The following DNMBP variants were observed in gnomAD, a reference collection of about 807,000 sequenced individuals.
DNMBP encodes the protein dynamin-binding protein.
DNMBP carries 87 observed loss-of-function variants against 150.0 expected under a neutral mutation model. That is an observed-to-expected ratio of 0.58 (90% CI 0.49 to 0.69). The LOEUF (loss-of-function observed/expected upper bound fraction) is 0.69, where lower values mean the gene tolerates loss of function less well. Ranked by LOEUF, DNMBP falls within the 30% of genes least tolerant of loss-of-function variation. The pLI is 0.00. For synonymous variants in DNMBP, 711 were observed against 750.4 expected (o/e 0.95, Z 0.86); for missense variants, 1,774 against 1,949.0 (o/e 0.91, Z 1.69).
chr10:99,909,091 C>T lies in DNMBP; in HGVS notation c.2316G>A (p.Val772=), dbSNP rs750827228. ...SSSLVAPSGS[V]SAENPEQRML... ...TCCTCTGCTCTGGATTTTCGGCAGA[C>T]ACAGACCCAGAAGGGGCCACCAGTG... is the stretch of plus-strand genomic sequence containing the variant. Residue 772 remains valine (V), a synonymous_variant, in exon 5 of 17, where the codon GTG becomes GTA. Transcript: ENST00000324109. 2 of 1,614,184 alleles carry T rather than the reference C, an allele frequency of 1.2e-6. No homozygotes were observed. Among genetic ancestry groups the T allele is most frequent in the Admixed American group, 1.7e-5 (1 of 60,008 alleles).
At chr10:100,008,850 C>G (rs1462209164) in intron 1 of DNMBP, among the ~76,000 whole-genome samples, 2 of 152,180 alleles carry the variant, frequency 1.3e-5, no homozygotes, top group African/African-American at 4.8e-5. Context: ...TTCAGTCTTG[C>G]AAAAACTACT....
chr10:99,925,678 G>A (rs111614306), intron 4 of DNMBP, among the ~76,000 whole-genome samples: 3,136 of 152,242 alleles, frequency 0.021, 93 homozygotes, highest in African/African-American at 0.07. Context: ...GCCTCCCAAA[G>A]TGCTGGTATT....
rs2039653164 is a variant in DNMBP at position 99,896,354 on chromosome 10, T to C, written c.2964A>G (p.Lys988=). Residue 988 remains lysine, a synonymous_variant, in exon 10 of 17, where the codon AAA becomes AAG. Transcript: ENST00000324109. ...RKGDEDSLME[K]ISKLNIHSII... is the part of the protein sequence containing the mutation. Reference sequence around the variant, plus strand: ...TGGAGTGGATGTTCAGTTTGGAAATTTTCTCCATAAGGCTATCTTCATCAC... The same window carrying C: ...TGGAGTGGATGTTCAGTTTGGAAATCTTCTCCATAAGGCTATCTTCATCAC... 6.2e-7 allele frequency: 1 copy of C among 1,614,136 alleles called. No homozygotes were observed. The highest frequency in any genetic ancestry group is 1.3e-5 in the African/African-American group (1 of 75,020).
Position 99,956,403 on chromosome 10 carries a change from G to T in DNMBP, c.1071C>A (p.Pro357=), listed in dbSNP as rs773475683. ...AAGTCAGATGACCGAGGGGAGAAGT[G>T]GGTGCTTCAGAAATAATGCAGTCAG... ...EEPDCIISEA[P]TSPLGHLTSE... Residue 357 remains proline, a synonymous_variant, in exon 4 of 17, where the codon CCC becomes CCA. Transcript: ENST00000324109. 1 of 1,613,972 alleles carries T rather than the reference G, an allele frequency of 6.2e-7. No individual in the cohort carries two copies. Among genetic ancestry groups the T allele is most frequent in the Non-Finnish European group, 8.5e-7 (1 of 1,179,998 alleles).
chr10:99,992,780 C>G (rs1326312814), intron 1 of DNMBP, among the ~76,000 whole-genome samples: 3 of 152,124 alleles, frequency 2.0e-5, no homozygotes, highest in Non-Finnish European at 4.4e-5. Context: ...CTCGCCTGGG[C>G]CTCCCAAAGT....
chr10:99,879,767 C>A (rs2039333806), intron 16 of DNMBP, 44 bp downstream of exon 16: 1 of 1,602,930 alleles, frequency 6.2e-7, no homozygotes, highest in Admixed American at 1.7e-5. Context: ...CACAACACAT[C>A]TGCTGCCGCC....
rs762970886 is a variant in DNMBP at position 99,957,220 on chromosome 10, A to G, written c.269-15T>C. Reference sequence around the variant, plus strand: ...CACCAGGTCACCTAAAGAAAAGAGGAGCAGAGATGGTGACCTCAGTCATCA... The same window carrying G: ...CACCAGGTCACCTAAAGAAAAGAGGGGCAGAGATGGTGACCTCAGTCATCA... On this transcript the variant is annotated splice_polypyrimidine_tract_variant and intron_variant, in intron 3 of 16. Coordinates refer to ENST00000324109, the MANE Select transcript of DNMBP (RefSeq NM_015221.4). 4 of 1,593,926 alleles carry G rather than the reference A, an allele frequency of 2.5e-6. No individual in the cohort carries two copies. The highest frequency in any genetic ancestry group is 2.6e-6 in the Non-Finnish European group (3 of 1,175,884).
intron 4 of DNMBP, among the ~76,000 whole-genome samples, chr10:99,952,296 A>G (rs2133323703): frequency 6.6e-6 from 1 of 152,302 alleles, no homozygotes; most frequent in Non-Finnish European, 1.5e-5. Context: ...TAATGCAAGA[A>G]TTGTTTACAG....
Position 99,891,335 on chromosome 10 carries a change from C to T in DNMBP, c.3157-2382G>A, listed in dbSNP as rs1475858251. Reference sequence around the variant, plus strand: ...AGTGCCTGCGATTGCAGGCACGCGCCACCACGCCTGACTGGTTTTGGTGGA... The same window carrying T: ...AGTGCCTGCGATTGCAGGCACGCGCTACCACGCCTGACTGGTTTTGGTGGA... On this transcript the variant is annotated intron_variant, in intron 11 of 16. Transcript: ENST00000324109. Among the ~76,000 whole-genome samples, 10 of 150,298 alleles carry T rather than the reference C, an allele frequency of 6.7e-5. 1 individual carries two copies. In the South Asian group the frequency reaches 8.4e-4, roughly 13 times the overall value.
intron 4 of DNMBP, among the ~76,000 whole-genome samples, chr10:99,940,927 C>G (rs2040290593): frequency 6.6e-6 from 1 of 152,178 alleles, no homozygotes; most frequent in African/African-American, 2.4e-5. Flanking sequence ...CTTTTTCACC[C>G]AGGCTGGAGT....
chr10:99,981,478 G>A (rs1160449285), intron 1 of DNMBP, among the ~76,000 whole-genome samples: 1 of 152,050 alleles, frequency 6.6e-6, no homozygotes, highest in East Asian at 1.9e-4. Context: ...CACTGTGCCT[G>A]GCCAGTAATT....
At chr10:99,882,521 C>T (rs2039384699) in intron 15 of DNMBP, among the ~76,000 whole-genome samples, 1 of 152,102 alleles carries the variant, frequency 6.6e-6, no homozygotes, top group East Asian at 1.9e-4. Context: ...GAGGTGGAGG[C>T]TGCAGTGAGC....
chr10:99,948,158 T>G (rs1398164312), intron 4 of DNMBP, among the ~76,000 whole-genome samples: 1 of 152,186 alleles, frequency 6.6e-6, no homozygotes, highest in Admixed American at 6.5e-5. Flanking sequence ...TTTTTACATG[T>G]TATTAAAATA....
Position 99,885,755 on chromosome 10 carries a change from C to T in DNMBP, c.3730G>A (p.Ala1244Thr), listed in dbSNP as rs114992827. ...TTCCTCTCAAATGGCTTCTTGGTAG[C>T]TGGAAGAGACTCCGGGAAGAAGGTA... is the stretch of plus-strand genomic sequence containing the variant. ...VFTFFPESLP[A>T]TKKPFERKTI... Residue 1244 changes from alanine (A) to threonine (T), a missense_variant, in exon 14 of 17, where the codon GCT (alanine) becomes ACT (threonine). Around this residue, in one of 2 missense-constraint regions of DNMBP, gnomAD observed 1,430 missense variants for 1,492.5 expected, o/e 0.96. Transcript: ENST00000324109. 6.2e-7 allele frequency: 1 copy of T among 1,603,892 alleles called. No homozygotes were observed. The highest frequency in any genetic ancestry group is 2.2e-5 in the East Asian group (1 of 44,790).
At chr10:99,878,407 T>C (rs749704796) in intron 16 of DNMBP, among the ~76,000 whole-genome samples, 3 of 152,260 alleles carry the variant, frequency 2.0e-5, no homozygotes, top group Non-Finnish European at 4.4e-5. Context: ...CTACATTCCC[T>C]GCTCGAACTC....
At chr10:99,929,570 T>C (rs992057135) in intron 4 of DNMBP, 24 of 623,630 alleles carry the variant, frequency 3.8e-5, no homozygotes, top group East Asian at 8.1e-5. Flanking sequence ...TAAATCTATC[T>C]TTATGCTTTA....
At chr10:99,944,147 T>C (rs1331014059) in intron 4 of DNMBP, among the ~76,000 whole-genome samples, 2 of 152,204 alleles carry the variant, frequency 1.3e-5, no homozygotes, top group Non-Finnish European at 2.9e-5. Context: ...TAGCCATTGG[T>C]CATGATTCCA....
At chr10:99,966,177 TA>T (rs549489266) in intron 3 of DNMBP, among the ~76,000 whole-genome samples, 9 of 147,348 alleles carry the variant, frequency 6.1e-5, no homozygotes, top group African/African-American at 1.5e-4. Flanking sequence ...AAGACAGAGC[TA>T]AAAAAAAAAC....
chr10:99,928,425 G>C (rs954340790), intron 4 of DNMBP, among the ~76,000 whole-genome samples: 2 of 152,096 alleles, frequency 1.3e-5, no homozygotes, highest in Non-Finnish European at 2.9e-5. Context: ...TTTATCCTCT[G>C]GTCACAGCCT....
Sources: allele counts gnomAD v4.1 joint callset (sites outside exome capture counted in the v4.1 genomes callset), GRCh38; gene constraint gnomAD v4.1.1; regional missense constraint gnomAD v4.1.1; transcripts MANE v1.5; gene names NCBI Gene and HGNC (gene_info 2026-07-23, HGNC 2026-07-21).